APBA1: variants seen among roughly 807,000 people sequenced by gnomAD.
APBA1 encodes amyloid-beta A4 precursor protein-binding family A member 1.
Under a neutral mutation model 86.6 loss-of-function variants are expected in APBA1, and 55 were observed. The observed-to-expected ratio is 0.64, with a 90% confidence interval of 0.51 to 0.80. APBA1 has a LOEUF of 0.80. Among genes scored for constraint, APBA1 ranks in the 30% least tolerant of loss-of-function variants. The probability of loss-of-function intolerance (pLI) is 0.00; values close to 1 mark genes in which losing one functional copy is unlikely to be tolerated. For missense variants in APBA1, 1,090 were observed against 1,183.0 expected (o/e 0.92, Z 1.15); for synonymous variants, 511 against 493.9 (o/e 1.03, Z -0.46).
intron 9 of APBA1, 81 bp from the exon 10 acceptor site, chr9:69,449,877 T>A: frequency 7.7e-7 from 1 of 1,294,712 alleles, no homozygotes; most frequent in Non-Finnish European, 1.1e-6. Context: ...CCCCCATTCC[T>A]GTCTTGCCTA....
intron 8 of APBA1, among the ~76,000 whole-genome samples, chr9:69,454,987 A>T (rs1835071215): frequency 6.6e-6 from 1 of 152,164 alleles, no homozygotes; most frequent in Non-Finnish European, 1.5e-5. Context: ...TGCTTTCTAG[A>T]GAACAAGACC....
Position 69,427,539 on chromosome 9 carries a change from T to TGAA in APBA1, c.*3785_*3787dup, listed in dbSNP as rs1192229631. 1.3e-5 allele frequency: 2 copies of TGAA among 152,076 alleles called. No homozygotes were observed. The highest frequency in any genetic ancestry group is 2.9e-5 in the Non-Finnish European group (2 of 68,012). The allele number at this position is 152,076 out of a possible 1,614,324, so 9.4% of individuals were successfully genotyped here. A position where few individuals can be genotyped will look rare whatever the true frequency, so the allele number is the denominator to read the frequency against. ...GAAGACACTTGGCCAGGCCAAGAGG[T>TGAA]GAAGTTCTTGTTTATTGTTGCAGCA... On this transcript the variant is annotated 3_prime_UTR_variant, in exon 13 of 13. Coordinates refer to ENST00000265381, the MANE Select transcript of APBA1 (RefSeq NM_001163.4).
At chr9:69,565,817 C>T (rs1376111555) in intron 1 of APBA1, among the ~76,000 whole-genome samples, 1 of 152,204 alleles carries the variant, frequency 6.6e-6, no homozygotes, top group Non-Finnish European at 1.5e-5. Flanking sequence ...CCTGTCTTTG[C>T]TTTTTTCTCA....
chr9:69,640,759 A>G (rs1009420676), intron 1 of APBA1, among the ~76,000 whole-genome samples: 1 of 152,162 alleles, frequency 6.6e-6, no homozygotes, highest in Non-Finnish European at 1.5e-5. Flanking sequence ...AAAACTCTCA[A>G]CAAACTAGAA....
intron 1 of APBA1, among the ~76,000 whole-genome samples, chr9:69,566,009 C>T (rs371018520): frequency 1.1e-4 from 16 of 152,348 alleles, no homozygotes; most frequent in African/African-American, 2.9e-4. Flanking sequence ...TCTCTTACCA[C>T]GTTCCCACCC....
intron 2 of APBA1, among the ~76,000 whole-genome samples, chr9:69,515,751 C>T (rs1836130016): frequency 6.7e-6 from 1 of 149,616 alleles, no homozygotes; most frequent in South Asian, 2.1e-4. Context: ...CTCACAAGGT[C>T]TCCAGGCACA....
chr9:69,539,283 A>G (rs564128144), intron 1 of APBA1, among the ~76,000 whole-genome samples: 1 of 152,328 alleles, frequency 6.6e-6, no homozygotes, highest in East Asian at 1.9e-4. Flanking sequence ...ATACTTCACC[A>G]TGGATGTCAA....
chr9:69,552,491 C>T (rs1394726599), intron 1 of APBA1, among the ~76,000 whole-genome samples: 1 of 152,198 alleles, frequency 6.6e-6, no homozygotes, highest in East Asian at 1.9e-4. Context: ...AGGATTTTAA[C>T]AAACCCAAGC....
rs573534365 is a variant in APBA1, at chr9:69,577,948, A to G, written c.-69-60669T>C. 2.6e-5 allele frequency among the ~76,000 whole-genome samples: 4 copies of G among 152,272 alleles called. No homozygotes were observed. In the South Asian group the frequency reaches 6.2e-4, roughly 24 times the overall value. The stretch of plus-strand genomic sequence containing the variant: ...CCAGGCAATCACCAGCACTGGCCCA[A>G]CTGGAGAAAGCCTATCATCCCAAGG... On this transcript the variant is annotated intron_variant, in intron 1 of 12. Transcript: ENST00000265381.
At chr9:69,587,431 G>A (rs1822043283) in intron 1 of APBA1, among the ~76,000 whole-genome samples, 1 of 152,166 alleles carries the variant, frequency 6.6e-6, no homozygotes, top group Non-Finnish European at 1.5e-5. Flanking sequence ...GGAGATTGGT[G>A]TCATTGGTGT....
intron 9 of APBA1, 131 bp downstream of exon 9, chr9:69,451,991 A>G (rs1835017845): frequency 1.2e-6 from 1 of 853,900 alleles, no homozygotes; most frequent in South Asian, 1.6e-5. Context: ...GGGGTGAACG[A>G]CTTCATGATG....
At chr9:69,666,626 C>T (rs1466708171) in intron 1 of APBA1, among the ~76,000 whole-genome samples, 1 of 152,050 alleles carries the variant, frequency 6.6e-6, no homozygotes, top group African/African-American at 2.4e-5. Context: ...TAAATTTCAT[C>T]ATTAAAACCT....
At chr9:69,489,191 A>C (rs1835661535) in intron 2 of APBA1, among the ~76,000 whole-genome samples, 2 of 152,172 alleles carry the variant, frequency 1.3e-5, no homozygotes, top group African/African-American at 4.8e-5. Context: ...AGCCAAAAGG[A>C]CAAAGCTGGA....
chr9:69,577,556 C>A (rs1042102555), intron 1 of APBA1, among the ~76,000 whole-genome samples: 4 of 152,118 alleles, frequency 2.6e-5, no homozygotes, highest in East Asian at 1.9e-4. Context: ...TTAGGACCAT[C>A]TGAACAAGGC....
chr9:69,523,137 T>G (rs1295399081), intron 1 of APBA1, among the ~76,000 whole-genome samples: 2 of 152,154 alleles, frequency 1.3e-5, no homozygotes, highest in Non-Finnish European at 2.9e-5. Flanking sequence ...GATTCAGCAG[T>G]TGAATCCAGG....
At chr9:69,573,705 G>A (rs1218189173) in intron 1 of APBA1, among the ~76,000 whole-genome samples, 1 of 152,194 alleles carries the variant, frequency 6.6e-6, no homozygotes, top group African/African-American at 2.4e-5. Flanking sequence ...AGCTTCAGCA[G>A]TTTCTGACAA....
chr9:69,460,124 T>C (rs1476824918), intron 5 of APBA1, among the ~76,000 whole-genome samples: 1 of 152,204 alleles, frequency 6.6e-6, no homozygotes, highest in African/African-American at 2.4e-5. Flanking sequence ...ATATGTTGCC[T>C]ATACTACCTC....
chr9:69,542,082 TA>T (rs1486631682), intron 1 of APBA1, among the ~76,000 whole-genome samples: 1 of 152,208 alleles, frequency 6.6e-6, no homozygotes, highest in Non-Finnish European at 1.5e-5. Flanking sequence ...CAAAATTATA[TA>T]ATTTCTAAAA....
chr9:69,652,954 A>C (rs1823535418), intron 1 of APBA1, among the ~76,000 whole-genome samples: 2 of 151,686 alleles, frequency 1.3e-5, no homozygotes, highest in Admixed American at 1.3e-4. Flanking sequence ...CTGAGATTGC[A>C]CCGCTACACT....
Sources: allele counts gnomAD v4.1 joint callset (sites outside exome capture counted in the v4.1 genomes callset), GRCh38; gene constraint gnomAD v4.1.1; transcripts MANE v1.5; gene names NCBI Gene and HGNC (gene_info 2026-07-23, HGNC 2026-07-21).